Variants in ZNF385D observed in about 807,000 individuals in gnomAD.
The protein encoded by ZNF385D is zinc finger protein 659.
ZNF385D carries 15 observed loss-of-function variants against 35.8 expected under a neutral mutation model. The ratio of observed to expected loss-of-function variants is 0.42; its 90% CI spans 0.28 to 0.64. The LOEUF (loss-of-function observed/expected upper bound fraction) is 0.64, where lower values mean the gene tolerates loss of function less well. Among genes scored for constraint, ZNF385D ranks in the 30% least tolerant of loss-of-function variants. The pLI is 0.23. For missense variants in ZNF385D, 474 were observed against 494.6 expected, an observed-to-expected ratio of 0.96 and a Z score of 0.39; for synonymous variants, 212 against 186.8, an observed-to-expected ratio of 1.13 and a Z score of -1.10.
intron 2 of ZNF385D, among the ~76,000 whole-genome samples, chr3:22,198,734 C>T (rs900379311): frequency 1.3e-5 from 2 of 152,046 alleles, no homozygotes; most frequent in Admixed American, 1.3e-4. Context: ...AGTGAACACA[C>T]ATTCACTATA....
At chr3:21,879,966 A>G (rs139825549) in intron 3 of ZNF385D, among the ~76,000 whole-genome samples, 7 of 152,096 alleles carry the variant, frequency 4.6e-5, no homozygotes, top group East Asian at 1.9e-4. Context: ...CCACCAAATT[A>G]GAGTCTGGCC....
At chr3:21,790,631 T>C (rs116458787) in intron 3 of ZNF385D, among the ~76,000 whole-genome samples, 2,420 of 152,246 alleles carry the variant, frequency 0.016, 72 homozygotes, top group African/African-American at 0.055. Context: ...AGCATCTGGG[T>C]ATTACATTTG....
chr3:21,973,298 T>C (rs907413716), intron 3 of ZNF385D, among the ~76,000 whole-genome samples: 8 of 151,884 alleles, frequency 5.3e-5, no homozygotes, highest in Non-Finnish European at 1.2e-4. Flanking sequence ...CTTATATCAG[T>C]AGAATGAAGG....
chr3:21,968,216 G>C (rs1310251935), intron 3 of ZNF385D, among the ~76,000 whole-genome samples: 2 of 152,158 alleles, frequency 1.3e-5, no homozygotes, highest in Admixed American at 6.6e-5. Context: ...GGAGCATTTA[G>C]ACCAGCCGTA....
chr3:21,903,027 G>A (rs954569835), intron 3 of ZNF385D, among the ~76,000 whole-genome samples: 1 of 152,094 alleles, frequency 6.6e-6, no homozygotes, highest in African/African-American at 2.4e-5. Context: ...ATAAAACTGA[G>A]TTTCTGGCAT....
At chr3:21,977,171 G>A (rs1461868309) in intron 3 of ZNF385D, among the ~76,000 whole-genome samples, 5 of 152,074 alleles carry the variant, frequency 3.3e-5, no homozygotes, top group African/African-American at 1.2e-4. Flanking sequence ...GATTTCCAAG[G>A]GACAGCACTG....
At chr3:22,098,886 A>G (rs1470773755) in intron 3 of ZNF385D, among the ~76,000 whole-genome samples, 1 of 151,798 alleles carries the variant, frequency 6.6e-6, no homozygotes. Flanking sequence ...AGCTCCCTGG[A>G]AAAAAAATGG....
At chr3:22,127,165 C>T (rs1472072045) in intron 3 of ZNF385D, among the ~76,000 whole-genome samples, 1 of 151,878 alleles carries the variant, frequency 6.6e-6, no homozygotes, top group African/African-American at 2.4e-5. Flanking sequence ...AGGACATTGA[C>T]ATTCAATGTT....
intron 3 of ZNF385D, among the ~76,000 whole-genome samples, chr3:21,535,975 C>T (rs2062026746): frequency 6.6e-6 from 1 of 150,834 alleles, no homozygotes; most frequent in Non-Finnish European, 1.5e-5. Flanking sequence ...AAGAAAATAT[C>T]CTGGATTCCC....
chr3:21,625,592 A>T (rs2065113560), intron 2 of ZNF385D, among the ~76,000 whole-genome samples: 1 of 152,104 alleles, frequency 6.6e-6, no homozygotes, highest in Non-Finnish European at 1.5e-5. Flanking sequence ...TCTTAATTTG[A>T]CCATAACTTT....
intron 2 of ZNF385D, among the ~76,000 whole-genome samples, chr3:22,282,394 A>G (rs1701799546): frequency 6.6e-6 from 1 of 152,042 alleles, no homozygotes; most frequent in Non-Finnish European, 1.5e-5. Context: ...TCTTAGCACC[A>G]CTTTTGCTGT....
chr3:22,365,147 T>C (rs532818006), intron 2 of ZNF385D, among the ~76,000 whole-genome samples: 8 of 151,996 alleles, frequency 5.3e-5, no homozygotes, highest in Non-Finnish European at 1.0e-4. Flanking sequence ...TTTTGCAAGA[T>C]GAAAAGAGTT....
chr3:22,216,353 A>G lies in ZNF385D; in HGVS notation c.107-47318T>C, dbSNP rs184269238. Among the ~76,000 whole-genome samples, 629 of 152,196 alleles carry G rather than the reference A, an allele frequency of 4.1e-3. 4 individuals are homozygous for G. Among genetic ancestry groups the G allele is most frequent in the African/African-American group, 0.015 (604 of 41,556 alleles). ...CAATCTTGTTAACAATACTACCATTATGGATAAATTGCTATGGGAACGCAG... is the reference window on the plus strand; with the variant it reads ...CAATCTTGTTAACAATACTACCATTGTGGATAAATTGCTATGGGAACGCAG... On this transcript the variant is annotated intron_variant, in intron 2 of 5. Coordinates refer to the ZNF385D transcript ENST00000494108.
Position 21,702,459 on chromosome 3 carries a change from G to A in ZNF385D, c.23-37431C>T, listed in dbSNP as rs544876162. Among the ~76,000 whole-genome samples, 3 of 152,302 alleles carry A rather than the reference G, an allele frequency of 2.0e-5. No homozygotes were observed. In the East Asian group the frequency reaches 5.8e-4, roughly 30 times the overall value. ...CCTCCTGGGCCTCCAGGCCTGTGAT[G>A]GGAGGGGCTGCTGTGAAGGTCTCTG... On this transcript the variant is annotated intron_variant, in intron 1 of 7. Transcript: ENST00000281523.
chr3:22,142,252 T>A (rs1704552937), intron 3 of ZNF385D, among the ~76,000 whole-genome samples: 3 of 152,212 alleles, frequency 2.0e-5, no homozygotes, highest in Non-Finnish European at 1.5e-5. Flanking sequence ...CTAAAAAAAA[T>A]TTCTTTACCA....
chr3:21,805,768 T>C (rs1430763873), intron 3 of ZNF385D, among the ~76,000 whole-genome samples: 2 of 152,190 alleles, frequency 1.3e-5, no homozygotes, highest in African/African-American at 2.4e-5. Flanking sequence ...GTAGAGATGC[T>C]AGTGAGCAGT....
chr3:22,043,925 G>C (rs1490336107), intron 3 of ZNF385D, among the ~76,000 whole-genome samples: 1 of 152,060 alleles, frequency 6.6e-6, no homozygotes, highest in Non-Finnish European at 1.5e-5. Flanking sequence ...CCAACCAACA[G>C]CTAGCAAGGA....
At chr3:22,093,603 T>G (rs1319822085) in intron 3 of ZNF385D, among the ~76,000 whole-genome samples, 9 of 152,162 alleles carry the variant, frequency 5.9e-5, no homozygotes, top group Admixed American at 3.9e-4. Context: ...ATTATACGAG[T>G]TGACAACCTA....
chr3:21,983,794 G>T (rs1694648993), intron 3 of ZNF385D, among the ~76,000 whole-genome samples: 1 of 56,830 alleles, frequency 1.8e-5, no homozygotes, highest in Non-Finnish European at 3.2e-5. Flanking sequence ...GTGTAAAAGT[G>T]TTCCTATTTC....
Sources: gnomAD v4.1 joint callset for allele counts (sites outside exome capture counted in the v4.1 genomes callset) on GRCh38, gnomAD v4.1.1 for gene constraint, MANE v1.5 for transcripts, NCBI Gene and HGNC (gene_info 2026-07-23, HGNC 2026-07-21) for gene names.